The following GOLGA8B variants were observed in gnomAD, a reference collection of about 807,000 sequenced individuals.
The protein encoded by GOLGA8B is golgin subfamily A member 8B.
Under a neutral mutation model 15.6 loss-of-function variants are expected in GOLGA8B, and 1 was observed. The observed-to-expected ratio is 0.06, with a 90% CI of 0.02 to 0.30. The LOEUF is 0.30. Among genes scored for constraint, GOLGA8B ranks in the 10% least tolerant of loss-of-function variants. The pLI is 1.00. For synonymous variants in GOLGA8B, 9 were observed against 80.3 expected (o/e 0.11, Z 4.75); for missense variants, 17 against 201.3 (o/e 0.08, Z 5.54).
intron 1 of GOLGA8B, among the ~76,000 whole-genome samples, chr15:34,566,919 C>T (rs367993256): frequency 0.12 from 12,497 of 102,636 alleles, 342 homozygotes; most frequent in Admixed American, 0.21. Context: ...AGAAAACACA[C>T]CATCGGCGGC....
At chr15:34,547,052 T>C (rs888636858) in intron 4 of GOLGA8B, 70 bp from the exon 5 acceptor site, 1 of 92,970 alleles carries the variant, frequency 1.1e-5, no homozygotes, top group Non-Finnish European at 1.9e-5. Context: ...ATAAGATATA[T>C]CCACAAGCAA....
intron 1 of GOLGA8B, among the ~76,000 whole-genome samples, chr15:34,577,109 T>C (rs562953123): frequency 2.4e-4 from 36 of 151,784 alleles, no homozygotes; most frequent in South Asian, 6.3e-4. Flanking sequence ...TCCTAACACA[T>C]GCCTGGCCCC....
intron 1 of GOLGA8B, among the ~76,000 whole-genome samples, chr15:34,570,465 G>C (rs1291048808): frequency 8.3e-6 from 1 of 120,280 alleles, no homozygotes; most frequent in African/African-American, 2.9e-5. Context: ...GGCTGCCCTG[G>C]GGACTGCTGA....
At chr15:34,567,619 G>A (rs1279197551) in intron 1 of GOLGA8B, among the ~76,000 whole-genome samples, 20 of 151,672 alleles carry the variant, frequency 1.3e-4, no homozygotes. Flanking sequence ...CCAGCACTCT[G>A]CTCTGTATAA....
At chr15:34,569,035 G>C (rs1387869174) in intron 1 of GOLGA8B, among the ~76,000 whole-genome samples, 3 of 149,346 alleles carry the variant, frequency 2.0e-5, no homozygotes, top group Admixed American at 2.0e-4. Flanking sequence ...TGTCCACAGT[G>C]CTCTTCCTGC....
chr15:34,580,104 G>A (rs1358518063), intron 1 of GOLGA8B, among the ~76,000 whole-genome samples: 3 of 152,178 alleles, frequency 2.0e-5, no homozygotes, highest in African/African-American at 7.2e-5. Context: ...AAGGCCTGGA[G>A]GCAAGAGTGG....
At position 34,583,127 on chromosome 15, in the gene GOLGA8B, G is replaced by C. The variant is rs190352101; in HGVS notation, c.-1123+389C>G. Among the ~76,000 whole-genome samples the C allele has an allele frequency of 5.5e-3, 838 of 152,198 alleles. 12 individuals are homozygous for C. The highest frequency in any genetic ancestry group is 0.019 in the African/African-American group (801 of 41,556). ...GGGACTTGATGCCGGCGTCAAGCGG[G>C]GCAGCGGAACGCACCAGCGGCCCGG... is the stretch of plus-strand genomic sequence containing the variant. On this transcript the variant is annotated intron_variant, in intron 1 of 23. Transcript: ENST00000683415.
At chr15:34,564,874 C>T (rs1455227978) in intron 1 of GOLGA8B, among the ~76,000 whole-genome samples, 3 of 144,128 alleles carry the variant, frequency 2.1e-5, no homozygotes, top group African/African-American at 7.4e-5. Context: ...CTGTAGGTGA[C>T]AGGAGCCAAG....
Position 34,525,400 on chromosome 15 carries a change from A to G in GOLGA8B, c.*2232T>C, listed in dbSNP as rs180726199. Reference sequence around the variant, plus strand: ...ACACATTCTGTTAACAAGAACCCATACATTGGTAAAATTCATTCTAAGAAA... The same window carrying G: ...ACACATTCTGTTAACAAGAACCCATGCATTGGTAAAATTCATTCTAAGAAA... On this transcript the variant is annotated 3_prime_UTR_variant, in exon 24 of 24. Coordinates refer to ENST00000683415, the MANE Select transcript of GOLGA8B (RefSeq NM_001023567.5). 2.7e-4 allele frequency: 41 copies of G among 150,116 alleles called. 1 individual carries two copies. The highest frequency in any genetic ancestry group is 1.0e-3 in the African/African-American group (41 of 40,654). 9.3% of individuals were successfully genotyped at this position (150,116 alleles called of 1,614,324 possible).
chr15:34,568,157 G>T (rs1381971895), intron 1 of GOLGA8B, among the ~76,000 whole-genome samples: 20 of 149,504 alleles, frequency 1.3e-4, no homozygotes, highest in East Asian at 4.0e-4. Flanking sequence ...CAGGAGGCAA[G>T]GTTCCAGACA....
intron 1 of GOLGA8B, among the ~76,000 whole-genome samples, chr15:34,571,617 A>T (rs1362872715): frequency 3.2e-5 from 2 of 62,772 alleles, no homozygotes; most frequent in Non-Finnish European, 3.9e-5. Flanking sequence ...GAATCGTATA[A>T]AAAAAAAAAA....
chr15:34,581,257 C>T (rs142345458), intron 1 of GOLGA8B, among the ~76,000 whole-genome samples: 1 of 152,166 alleles, frequency 6.6e-6, no homozygotes, highest in Admixed American at 6.5e-5. Context: ...CTGGAGGGGG[C>T]CTCTTCAGCC....
At position 34,543,286 on chromosome 15, in the gene GOLGA8B, A is replaced by T. The variant is rs1287305161; in HGVS notation, c.-382+1572T>A. ...CCTCCTGGGCTCAAGTGATCCTCCC[A>T]CCTCAGCCTCCTGATTAGCTGGGAG... is the stretch of plus-strand genomic sequence containing the variant. On this transcript the variant is annotated intron_variant, in intron 7 of 23. Coordinates refer to ENST00000683415, the MANE Select transcript of GOLGA8B (RefSeq NM_001023567.5). Among the ~76,000 whole-genome samples, 5 of 137,612 alleles carry T rather than the reference A, an allele frequency of 3.6e-5. No individual in the cohort carries two copies. The Admixed American group carries it at 3.7e-4, about 10-fold the overall frequency. The allele number at this position is 137,612 out of a possible 152,430, so 90.3% of individuals were successfully genotyped here. A position where few individuals can be genotyped will look rare whatever the true frequency, so the allele number is the denominator to read the frequency against.
chr15:34,583,222 T>C (rs2140360581), intron 1 of GOLGA8B, among the ~76,000 whole-genome samples: 1 of 151,048 alleles, frequency 6.6e-6, no homozygotes, highest in East Asian at 2.0e-4. Context: ...GAGTGGCCCC[T>C]CACCGCGGTG....
At chr15:34,574,747 G>A (rs966892557) in intron 1 of GOLGA8B, 1 of 152,348 alleles carries the variant, frequency 6.6e-6, no homozygotes, top group African/African-American at 2.4e-5. Context: ...TCACGGGAGG[G>A]AATACTGTCC....
chr15:34,574,432 T>C (rs1889012822), intron 1 of GOLGA8B, among the ~76,000 whole-genome samples: 1 of 151,246 alleles, frequency 6.6e-6, no homozygotes. Flanking sequence ...GCCTCCCAAG[T>C]AGCTAGGACC....
At chr15:34,582,380 G>A (rs1158375821) in intron 1 of GOLGA8B, among the ~76,000 whole-genome samples, 20 of 152,212 alleles carry the variant, frequency 1.3e-4, no homozygotes, top group Admixed American at 1.3e-3. Flanking sequence ...TCTCAACGAG[G>A]AAGAAAATAG....
chr15:34,568,623 C>A (rs1165981196), intron 1 of GOLGA8B, among the ~76,000 whole-genome samples: 11 of 15,766 alleles, frequency 7.0e-4, no homozygotes, highest in Non-Finnish European at 1.1e-3. Flanking sequence ...GTCAAGGCTG[C>A]AGTGAGCCAA....
chr15:34,571,813 T>C lies in GOLGA8B; in HGVS notation c.-1123+11703A>G, dbSNP rs570807436. Among the ~76,000 whole-genome samples the C allele has an allele frequency of 3.9e-5, 6 of 152,196 alleles. No individual in the cohort carries two copies. In the East Asian group the frequency reaches 1.2e-3, roughly 29 times the overall value. On this transcript the variant is annotated intron_variant, in intron 1 of 23. Transcript: ENST00000683415. Reference sequence around the variant, plus strand: ...TCAGGAGTAATTAAAGCAAGCTTGATAGTTTTAACAATGTAAAATTTCCAA... The same window carrying C: ...TCAGGAGTAATTAAAGCAAGCTTGACAGTTTTAACAATGTAAAATTTCCAA...
Sources: allele counts gnomAD v4.1 joint callset (sites outside exome capture counted in the v4.1 genomes callset), GRCh38; gene constraint gnomAD v4.1.1; transcripts MANE v1.5; gene names NCBI Gene and HGNC (gene_info 2026-07-23, HGNC 2026-07-21).